ATRNL1: variants seen among roughly 807,000 people sequenced by gnomAD.
ATRNL1 encodes the protein attractin-like protein 1.
In ATRNL1, 95 loss-of-function variants were observed where a neutral mutation model predicts 182.7. That is an observed-to-expected ratio of 0.52 (90% CI 0.44 to 0.62). ATRNL1 has a LOEUF of 0.62. Among genes scored for constraint, ATRNL1 ranks in the 20% least tolerant of loss-of-function variants. The pLI is 0.00. For missense variants in ATRNL1, 1,471 were observed against 1,679.5 expected (o/e 0.88, Z 2.17); for synonymous variants, 576 against 568.3 (o/e 1.01, Z -0.19).
intron 5 of ATRNL1, among the ~76,000 whole-genome samples, chr10:115,157,827 A>C (rs1846595566): frequency 6.6e-6 from 1 of 152,124 alleles, no homozygotes; most frequent in Non-Finnish European, 1.5e-5. Context: ...TATTCAGTCC[A>C]CTGGAAACTT....
chr10:115,129,014 A>G (rs1845105735), intron 4 of ATRNL1, among the ~76,000 whole-genome samples: 1 of 152,146 alleles, frequency 6.6e-6, no homozygotes, highest in African/African-American at 2.4e-5. Flanking sequence ...AACATTGAGT[A>G]CTTAAGTCTT....
chr10:115,903,706 A>G (rs144464569), intron 28 of ATRNL1, among the ~76,000 whole-genome samples: 159 of 152,242 alleles, frequency 1.0e-3, no homozygotes, highest in African/African-American at 3.5e-3. Flanking sequence ...AGAATTTCCT[A>G]AAGAATCATC....
chr10:115,774,149 A>T (rs1555077203), intron 27 of ATRNL1, among the ~76,000 whole-genome samples: 1 of 152,074 alleles, frequency 6.6e-6, no homozygotes, highest in East Asian at 1.9e-4. Context: ...TGTGGATAAT[A>T]CCTGGTTGTG....
At chr10:115,286,631 T>C (rs1852629277) in intron 15 of ATRNL1, among the ~76,000 whole-genome samples, 1 of 151,938 alleles carries the variant, frequency 6.6e-6, no homozygotes, top group African/African-American at 2.4e-5. Flanking sequence ...CAAGAAGTGA[T>C]CTTATATGAA....
chr10:115,788,879 TAAC>T (rs1949458832), intron 27 of ATRNL1, among the ~76,000 whole-genome samples: 1 of 152,244 alleles, frequency 6.6e-6, no homozygotes, highest in African/African-American at 2.4e-5. Context: ...TTGCCAATAA[TAAC>T]CTGCACATGA....
intron 19 of ATRNL1, among the ~76,000 whole-genome samples, chr10:115,364,992 G>T (rs1856952971): frequency 1.3e-5 from 2 of 150,732 alleles, no homozygotes; most frequent in African/African-American, 2.5e-5. Flanking sequence ...TTTTTTGGTT[G>T]TGTCTCTGCC....
chr10:115,435,469 C>G (rs1487421336), intron 21 of ATRNL1, among the ~76,000 whole-genome samples: 1 of 152,150 alleles, frequency 6.6e-6, no homozygotes, highest in Non-Finnish European at 1.5e-5. Context: ...CTTCTACTTT[C>G]CAGCCTTCAG....
chr10:115,815,415 ATGTGTGTG>A lies in ATRNL1; in HGVS notation c.3904-32432_3904-32425del, dbSNP rs367551845. 2.6e-4 allele frequency among the ~76,000 whole-genome samples: 37 copies of A among 143,040 alleles called. No homozygotes were observed. In the East Asian group the frequency reaches 3.7e-3, roughly 14 times the overall value. The allele number at this position is 143,040 out of a possible 152,430, so 93.8% of individuals were successfully genotyped here. ...ATCCACTGGTATGTGGTGTGTGTGT[ATGTGTGTG>A]TGTGTGTGTGTGTGTGTGTGTGTGT... On this transcript the variant is annotated intron_variant, in intron 27 of 28. Transcript: ENST00000355044.
chr10:115,727,661 A>G (rs916514018), intron 27 of ATRNL1, among the ~76,000 whole-genome samples: 13 of 152,224 alleles, frequency 8.5e-5, no homozygotes, highest in African/African-American at 2.9e-4. Context: ...CAAAGCGCCT[A>G]TATTTAGTCT....
chr10:115,341,999 T>C (rs1855773678), intron 19 of ATRNL1, among the ~76,000 whole-genome samples: 1 of 152,142 alleles, frequency 6.6e-6, no homozygotes, highest in African/African-American at 2.4e-5. Context: ...GTTTAGTCTA[T>C]TTACGTTGAA....
chr10:115,103,224 A>C (rs1334683729), intron 1 of ATRNL1, among the ~76,000 whole-genome samples: 1 of 151,658 alleles, frequency 6.6e-6, no homozygotes, highest in African/African-American at 2.4e-5. Context: ...TTTTTTGTAG[A>C]GATGGGGTTT....
At chr10:115,813,725 G>T (rs1347078060) in intron 27 of ATRNL1, among the ~76,000 whole-genome samples, 3 of 152,148 alleles carry the variant, frequency 2.0e-5, no homozygotes, top group Non-Finnish European at 2.9e-5. Flanking sequence ...TAGAATAGAT[G>T]CCTGAATAAT....
intron 22 of ATRNL1, among the ~76,000 whole-genome samples, chr10:115,466,475 C>T (rs782302411): frequency 1.3e-5 from 2 of 151,210 alleles, no homozygotes; most frequent in African/African-American, 2.4e-5. Flanking sequence ...CTGCTTCTTA[C>T]GTCTTGGAGT....
chr10:115,775,419 T>C (rs1232262362), intron 27 of ATRNL1, among the ~76,000 whole-genome samples: 1 of 152,234 alleles, frequency 6.6e-6, no homozygotes, highest in Non-Finnish European at 1.5e-5. Flanking sequence ...AAACATTTTT[T>C]CTTCAATCAG....
chr10:115,103,332 C>T (rs1384340156), intron 1 of ATRNL1, among the ~76,000 whole-genome samples: 2 of 152,048 alleles, frequency 1.3e-5, no homozygotes, highest in African/African-American at 4.8e-5. Flanking sequence ...AGCCACTGCG[C>T]CTGGTCATAT....
At chr10:115,817,752 G>T (rs551258100) in intron 27 of ATRNL1, among the ~76,000 whole-genome samples, 3 of 144,258 alleles carry the variant, frequency 2.1e-5, no homozygotes, top group South Asian at 4.5e-4. Context: ...ATGCTAACTG[G>T]CCCATAAAAA....
intron 26 of ATRNL1, among the ~76,000 whole-genome samples, chr10:115,668,448 A>G (rs1057235455): frequency 2.6e-4 from 39 of 152,266 alleles, no homozygotes; most frequent in South Asian, 4.1e-4. Context: ...TCCTTTACCC[A>G]GTTAGCTTTA....
intron 19 of ATRNL1, among the ~76,000 whole-genome samples, chr10:115,377,067 T>G (rs1471831578): frequency 2.0e-5 from 3 of 152,162 alleles, no homozygotes; most frequent in African/African-American, 7.2e-5. Context: ...GTTCTTTTTA[T>G]TGTTTACATT....
intron 20 of ATRNL1, among the ~76,000 whole-genome samples, chr10:115,405,151 T>C (rs554210702): frequency 6.6e-6 from 1 of 152,322 alleles, no homozygotes; most frequent in African/African-American, 2.4e-5. Flanking sequence ...TGATCAGTCT[T>C]CTATATATTT....
Sources: allele counts gnomAD v4.1 joint callset (sites outside exome capture counted in the v4.1 genomes callset), GRCh38; gene constraint gnomAD v4.1.1; transcripts MANE v1.5; gene names NCBI Gene and HGNC (gene_info 2026-07-23, HGNC 2026-07-21).